The following CNTN1 variants were observed in gnomAD, a reference collection of about 807,000 sequenced individuals.
CNTN1 encodes the protein contactin 1.
In CNTN1, 38 loss-of-function variants were observed where a neutral mutation model predicts 126.4. The ratio of observed to expected loss-of-function variants is 0.30; its 90% CI spans 0.23 to 0.39. CNTN1 has a LOEUF of 0.39. Ranked by LOEUF, CNTN1 falls within the 10% of genes least tolerant of loss-of-function variation. CNTN1 has a pLI of 1.00. For missense variants in CNTN1, 1,009 were observed against 1,248.4 expected (o/e 0.81, Z 2.89); for synonymous variants, 413 against 422.6 (o/e 0.98, Z 0.28).
At chr12:40,849,843 A>C (rs1181413835) in intron 1 of CNTN1, among the ~76,000 whole-genome samples, 4 of 152,068 alleles carry the variant, frequency 2.6e-5, no homozygotes, top group Admixed American at 2.6e-4. Context: ...CCTGTGAGAC[A>C]CAGAATACTA....
At chr12:40,856,931 G>C (rs1174608167) in intron 1 of CNTN1, among the ~76,000 whole-genome samples, 1 of 144,012 alleles carries the variant, frequency 6.9e-6, no homozygotes. Context: ...GAACATTCTA[G>C]ACTCTCTCTC....
chr12:40,983,351 AT>A (rs1346343360), intron 16 of CNTN1, among the ~76,000 whole-genome samples: 10 of 151,826 alleles, frequency 6.6e-5, no homozygotes, highest in Non-Finnish European at 1.0e-4. Context: ...GCTGCATTGT[AT>A]TTTTGCTTTC....
chr12:40,877,469 C>T (rs753914514), intron 1 of CNTN1, among the ~76,000 whole-genome samples: 1 of 152,148 alleles, frequency 6.6e-6, no homozygotes, highest in African/African-American at 2.4e-5. Context: ...TTGCACATTA[C>T]AGAAAGTCTA....
intron 1 of CNTN1, among the ~76,000 whole-genome samples, chr12:40,711,919 T>C (rs1182989251): frequency 6.6e-6 from 1 of 152,108 alleles, no homozygotes; most frequent in Non-Finnish European, 1.5e-5. Flanking sequence ...CTATGTTTGC[T>C]ATGTTTTCCA....
At chr12:40,899,101 A>G (rs1410423221) in intron 1 of CNTN1, among the ~76,000 whole-genome samples, 1 of 152,162 alleles carries the variant, frequency 6.6e-6, no homozygotes, top group African/African-American at 2.4e-5. Context: ...ATCTGGCACT[A>G]TTTCTTTACA....
At chr12:40,859,778 G>A (rs1943055538) in intron 1 of CNTN1, among the ~76,000 whole-genome samples, 1 of 152,014 alleles carries the variant, frequency 6.6e-6, no homozygotes, top group South Asian at 2.1e-4. Flanking sequence ...TCTATATCCT[G>A]TCACTTTATT....
rs1946333619 is a variant in CNTN1, at chr12:40,943,581, A to G, written c.1380-16A>G. The G allele has an allele frequency of 6.5e-7, 1 of 1,532,422 alleles. No individual in the cohort carries two copies. Among genetic ancestry groups the G allele is most frequent in the Non-Finnish European group, 9.0e-7 (1 of 1,106,950 alleles). The allele number at this position is 1,532,422 out of a possible 1,614,324, so 94.9% of individuals were successfully genotyped here. On this transcript the variant is annotated splice_polypyrimidine_tract_variant and intron_variant, in intron 12 of 23. Coordinates refer to ENST00000551295, the MANE Select transcript of CNTN1 (RefSeq NM_001843.4). Reference sequence around the variant, plus strand: ...TAAATCAGGTTTGTGAATTATATATATTTTTATTTCACTAGAATACTCATT... The same window carrying G: ...TAAATCAGGTTTGTGAATTATATATGTTTTTATTTCACTAGAATACTCATT...
chr12:41,024,438 A>G lies in CNTN1; in HGVS notation c.2524-712A>G, dbSNP rs1948993556. Among the ~76,000 whole-genome samples, 3 of 152,266 alleles carry G rather than the reference A, an allele frequency of 2.0e-5. No individual in the cohort carries two copies. The South Asian group carries it at 6.2e-4, about 31-fold the overall frequency. On this transcript the variant is annotated intron_variant, in intron 20 of 23. Coordinates refer to ENST00000551295, the MANE Select transcript of CNTN1 (RefSeq NM_001843.4). ...GCCTTTATTTAAAGATGAAAATTAT[A>G]ATCCATAACTTTTCTTAAACTTTAA...
intron 1 of CNTN1, among the ~76,000 whole-genome samples, chr12:40,875,005 T>C (rs1376292261): frequency 6.6e-6 from 1 of 152,150 alleles, no homozygotes; most frequent in African/African-American, 2.4e-5. Flanking sequence ...TGTAGCTGTC[T>C]TGACCACATG....
At chr12:40,950,375 C>T (rs114294967) in intron 14 of CNTN1, among the ~76,000 whole-genome samples, 2,313 of 151,800 alleles carry the variant, frequency 0.015, 61 homozygotes, top group African/African-American at 0.053. Context: ...ATTGGGGACA[C>T]GAATAAAAAG....
chr12:40,953,932 C>A (rs1566027679), intron 14 of CNTN1, among the ~76,000 whole-genome samples: 2 of 152,000 alleles, frequency 1.3e-5, no homozygotes, highest in Non-Finnish European at 2.9e-5. Flanking sequence ...TTTAAAAGGG[C>A]AATTATGATA....
Position 40,936,866 on chromosome 12 carries a change from G to T in CNTN1, c.1071G>T (p.Lys357Asn). The T allele has an allele frequency of 6.2e-7, 1 of 1,613,348 alleles. No individual in the cohort carries two copies. Among genetic ancestry groups the T allele is most frequent in the Non-Finnish European group, 8.5e-7 (1 of 1,179,462 alleles). Residue 357 changes from lysine (K) to asparagine (N), a missense_variant, in exon 10 of 24, where the codon AAG (lysine) becomes AAT (asparagine). Coordinates refer to ENST00000551295, the MANE Select transcript of CNTN1 (RefSeq NM_001843.4). ...DLYWPCVATG[K>N]PIPTIRWLKN... ...ACTGGCCTTGTGTGGCCACAGGAAA[G>T]CCCATCCCTACAATCCGATGGTTGA...
At chr12:40,879,685 T>C (rs1348963935) in intron 1 of CNTN1, among the ~76,000 whole-genome samples, 1 of 152,128 alleles carries the variant, frequency 6.6e-6, no homozygotes, top group East Asian at 1.9e-4. Context: ...AAAATATGCA[T>C]AGATTTGTTC....
chr12:40,899,915 A>G (rs1018910566), intron 1 of CNTN1, among the ~76,000 whole-genome samples: 18 of 152,312 alleles, frequency 1.2e-4, no homozygotes, highest in Non-Finnish European at 2.5e-4. Context: ...AATCTAAAGC[A>G]AAGACAGATA....
At chr12:41,062,681 G>T (rs898371696) in intron 23 of CNTN1, among the ~76,000 whole-genome samples, 2 of 152,124 alleles carry the variant, frequency 1.3e-5, no homozygotes, top group Non-Finnish European at 2.9e-5. Context: ...TTGACCAAGT[G>T]TTAATTCAAG....
intron 15 of CNTN1, among the ~76,000 whole-genome samples, chr12:40,969,697 A>T (rs1947433684): frequency 6.6e-6 from 1 of 152,168 alleles, no homozygotes; most frequent in Non-Finnish European, 1.5e-5. Flanking sequence ...GACATAAGGG[A>T]GTGGCTGAGG....
chr12:40,811,518 A>G (rs952961903), intron 1 of CNTN1, among the ~76,000 whole-genome samples: 2 of 152,184 alleles, frequency 1.3e-5, no homozygotes, highest in African/African-American at 2.4e-5. Flanking sequence ...AGAATTCACC[A>G]GTAAAGTCAT....
chr12:40,715,740 A>G (rs1238355973), intron 1 of CNTN1, among the ~76,000 whole-genome samples: 1 of 152,206 alleles, frequency 6.6e-6, no homozygotes, highest in Non-Finnish European at 1.5e-5. Flanking sequence ...ATTTGCCATC[A>G]CAAATCACTA....
chr12:40,748,995 T>A (rs999673903), intron 1 of CNTN1, among the ~76,000 whole-genome samples: 3 of 152,234 alleles, frequency 2.0e-5, no homozygotes, highest in African/African-American at 7.2e-5. Flanking sequence ...TTCTTTTACC[T>A]GGTTTTATAC....
Sources: allele counts gnomAD v4.1 joint callset (sites outside exome capture counted in the v4.1 genomes callset), GRCh38; gene constraint gnomAD v4.1.1; transcripts MANE v1.5; gene names NCBI Gene and HGNC (gene_info 2026-07-23, HGNC 2026-07-21).